PSME3: variants seen among roughly 807,000 people sequenced by gnomAD.
PSME3 encodes proteasome activator complex subunit 3.
In PSME3, 7 loss-of-function variants were observed where a neutral mutation model predicts 38.3. That is an observed-to-expected ratio of 0.18 (90% CI 0.10 to 0.34). The LOEUF is 0.34. PSME3 is among the 10% of genes least tolerant of loss of function. The probability of loss-of-function intolerance (pLI) is 1.00; values close to 1 mark genes in which losing one functional copy is unlikely to be tolerated. For missense variants in PSME3, 192 were observed against 307.6 expected, an observed-to-expected ratio of 0.62 and a Z score of 2.81; for synonymous variants, 108 against 105.7, an observed-to-expected ratio of 1.02 and a Z score of -0.13.
chr17:42,838,313 G>T, intron 6 of PSME3, 108 bp downstream of exon 6: 1 of 1,496,226 alleles, frequency 6.7e-7, no homozygotes. Flanking sequence ...AGGTTTTTTT[G>T]AGTTTTTTTT....
chr17:42,834,475 C>T, intron 2 of PSME3, 40 bp from the exon 3 acceptor site: 2 of 1,572,792 alleles, frequency 1.3e-6, no homozygotes, highest in Admixed American at 1.7e-5. Flanking sequence ...AGAGACCTTC[C>T]CACAGATATT....
intron 6 of PSME3, 120 bp from the exon 7 acceptor site, chr17:42,838,611 C>A: frequency 2.0e-6 from 2 of 979,346 alleles, no homozygotes; most frequent in Non-Finnish European, 3.2e-6. Context: ...AGCCACCATG[C>A]CTGGCCAGAC....
At chr17:42,833,729 C>T (rs563693070) in intron 1 of PSME3, 56 bp downstream of exon 1, 1 of 1,614,132 alleles carries the variant, frequency 6.2e-7, no homozygotes, top group African/African-American at 1.3e-5. Context: ...AGCAGTCTGA[C>T]CGGCTTCCTA....
chr17:42,835,223 GA>G (rs1427619166), intron 4 of PSME3, among the ~76,000 whole-genome samples: 1 of 151,984 alleles, frequency 6.6e-6, no homozygotes, highest in Non-Finnish European at 1.5e-5. Context: ...TTTTTGTAGA[GA>G]TGGGGTTTCA....
intron 1 of PSME3, chr17:42,833,921 T>C (rs1331196042): frequency 3.5e-6 from 5 of 1,443,638 alleles, no homozygotes; most frequent in Admixed American, 2.8e-5. Flanking sequence ...GACTCAGGGC[T>C]TTAGGCCCGT....
intron 6 of PSME3, among the ~76,000 whole-genome samples, chr17:42,838,455 C>CGGCA (rs1374646792): frequency 6.6e-6 from 1 of 152,112 alleles, no homozygotes. Context: ...TTACAGGTAC[C>CGGCA]TGCCAACACA....
At chr17:42,836,352 C>T (rs561040589) in intron 4 of PSME3, among the ~76,000 whole-genome samples, 17 of 152,166 alleles carry the variant, frequency 1.1e-4, no homozygotes, top group Admixed American at 3.9e-4. Flanking sequence ...AGTGTTGATC[C>T]TGGTCCCTAG....
chr17:42,841,651 A>G lies in PSME3; in HGVS notation c.*73A>G, dbSNP rs1193737958. ...CATTGCCTTGGTTTGTTACATGACT[A>G]TCGTGATGGGGAAACTGGCTGGAAA... On this transcript the variant is annotated 3_prime_UTR_variant, in exon 11 of 11. Coordinates refer to ENST00000590720, the MANE Select transcript of PSME3 (RefSeq NM_005789.4). The G allele has an allele frequency of 9.7e-7, 1 of 1,034,406 alleles. No individual in the cohort carries two copies. Among genetic ancestry groups the G allele is most frequent in the Non-Finnish European group, 1.4e-6 (1 of 712,838 alleles). 64.1% of individuals were successfully genotyped at this position (1,034,406 alleles called of 1,614,324 possible).
chr17:42,839,035 G>T, intron 8 of PSME3, 23 bp downstream of exon 8: 4 of 1,612,974 alleles, frequency 2.5e-6, no homozygotes, highest in Non-Finnish European at 3.4e-6. Flanking sequence ...GGGCTTGGCC[G>T]AGGCGTTGGG....
At position 42,839,474 on chromosome 17, in the gene PSME3, T is replaced by C. The variant is rs930827405; in HGVS notation, c.684+94T>C. ...ATTCTCTGAAGGGCTGAGATGAGGG[T>C]CTGAGGTAAAATGAATAGACCAAAT... On this transcript the variant is annotated intron_variant, in intron 10 of 10. Transcript: ENST00000590720. 15 of 1,085,572 alleles carry C rather than the reference T, an allele frequency of 1.4e-5. No individual in the cohort carries two copies. The Admixed American group carries it at 2.5e-4, about 18-fold the overall frequency. 67.2% of individuals were successfully genotyped at this position (1,085,572 alleles called of 1,614,324 possible).
intron 5 of PSME3, 88 bp downstream of exon 5, chr17:42,837,785 A>G: frequency 1.4e-6 from 2 of 1,430,688 alleles, no homozygotes; most frequent in South Asian, 2.3e-5. Flanking sequence ...TCTCCTGACC[A>G]GGAGGCAAGA....
chr17:42,834,798 A>G lies in PSME3; in HGVS notation c.165A>G (p.Leu55=). The change falls in exon 4 of 11, where the codon CTA becomes CTG. Residue 55 remains leucine, a synonymous_variant. Transcript: ENST00000590720. The part of the protein sequence containing the change: ...LKEPILNIHD[L]TQIHSDMNLP... ...AACCAATCTTAAACATCCATGACCTAACTCAGATCCACTCTGACATGAATC... is the reference window on the plus strand; with the variant it reads ...AACCAATCTTAAACATCCATGACCTGACTCAGATCCACTCTGACATGAATC... 2 of 1,614,092 alleles carry G rather than the reference A, an allele frequency of 1.2e-6. No individual in the cohort carries two copies. The highest frequency in any genetic ancestry group is 1.7e-6 in the Non-Finnish European group (2 of 1,180,004).
chr17:42,833,790 T>C (rs766311681), intron 1 of PSME3, 117 bp downstream of exon 1: 12 of 1,598,458 alleles, frequency 7.5e-6, no homozygotes, highest in Non-Finnish European at 1.0e-5. Context: ...GAGCTTCCGC[T>C]CGGCTCAGCC....
At position 42,839,903 on chromosome 17, in the gene PSME3, G is replaced by A. The variant is rs1181145865; in HGVS notation, c.684+523G>A. 4.6e-5 allele frequency among the ~76,000 whole-genome samples: 7 copies of A among 152,212 alleles called. No individual in the cohort carries two copies. In the East Asian group the frequency reaches 1.4e-3, roughly 29 times the overall value. ...CCCAGCTACTTGGGAGGCTGAGGCAGGAGAATCACTTGAACCCGGGAGTTG... is the reference window on the plus strand; with the variant it reads ...CCCAGCTACTTGGGAGGCTGAGGCAAGAGAATCACTTGAACCCGGGAGTTG... On this transcript the variant is annotated intron_variant, in intron 10 of 10. Coordinates refer to ENST00000590720, the MANE Select transcript of PSME3 (RefSeq NM_005789.4).
intron 4 of PSME3, among the ~76,000 whole-genome samples, chr17:42,837,211 C>T (rs2055474226): frequency 6.6e-6 from 1 of 152,114 alleles, no homozygotes; most frequent in Admixed American, 6.6e-5. Flanking sequence ...CCACCACGCC[C>T]AGCTAATTTT....
chr17:42,833,892 C>A (rs1439512142), intron 1 of PSME3: 1 of 1,456,762 alleles, frequency 6.9e-7, no homozygotes, highest in African/African-American at 1.4e-5. Context: ...CCCGGGGACA[C>A]CTCCGCGGAC....
intron 8 of PSME3, 39 bp downstream of exon 8, chr17:42,839,051 A>G: frequency 1.2e-6 from 2 of 1,607,182 alleles, no homozygotes; most frequent in Non-Finnish European, 1.7e-6. Flanking sequence ...TTGGGGGCTG[A>G]TGAGGTGGTG....
intron 7 of PSME3, 57 bp downstream of exon 7, chr17:42,838,856 C>T: frequency 1.3e-6 from 2 of 1,580,038 alleles, no homozygotes; most frequent in South Asian, 2.2e-5. Flanking sequence ...TCTCATCTCC[C>T]CTGCGTTACC....
Position 42,834,349 on chromosome 17 carries a change from T to C in PSME3, c.48T>C (p.Asp16=). The change falls in exon 2 of 11, where the codon GAT becomes GAC. Residue 16 remains aspartate (D), a synonymous_variant. Coordinates refer to ENST00000590720, the MANE Select transcript of PSME3 (RefSeq NM_005789.4). ...KVDQEVKLKV[D]SFRERITSEA... ...GCTCTCTTTGTTAATTTTAGGTTGA[T>C]TCTTTCAGGGAGCGGATCACAAGTG... is the stretch of plus-strand genomic sequence containing the variant. 6.2e-7 allele frequency: 1 copy of C among 1,614,090 alleles called. No individual in the cohort carries two copies. The highest frequency in any genetic ancestry group is 8.5e-7 in the Non-Finnish European group (1 of 1,180,018).
Sources: gnomAD v4.1 joint callset for allele counts (sites outside exome capture counted in the v4.1 genomes callset) on GRCh38, gnomAD v4.1.1 for gene constraint, MANE v1.5 for transcripts, NCBI Gene and HGNC (gene_info 2026-07-23, HGNC 2026-07-21) for gene names.